The following CLTC variants were observed in gnomAD, a reference collection of about 807,000 sequenced individuals.
The protein encoded by CLTC is clathrin heavy chain 1.
A neutral mutation model predicts 195.8 loss-of-function variants in CLTC; 16 were observed. The ratio of observed to expected loss-of-function variants is 0.08; its 90% CI spans 0.06 to 0.12. CLTC has a LOEUF of 0.12. Ranked by LOEUF, CLTC falls within the 10% of genes least tolerant of loss-of-function variation. CLTC has a pLI of 1.00. For missense variants in CLTC, 796 were observed against 2,027.0 expected (o/e 0.39, Z 11.66); for synonymous variants, 667 against 689.4 (o/e 0.97, Z 0.51).
intron 1 of CLTC, among the ~76,000 whole-genome samples, chr17:59,633,860 TC>T (rs2031791508): frequency 6.6e-6 from 1 of 152,228 alleles, no homozygotes; most frequent in Non-Finnish European, 1.5e-5. Context: ...CTTTAATGTC[TC>T]CCTGGTTACA....
chr17:59,654,024 T>C (rs1178907896), intron 5 of CLTC, among the ~76,000 whole-genome samples: 1 of 151,126 alleles, frequency 6.6e-6, no homozygotes, highest in Non-Finnish European at 1.5e-5. Context: ...CTGCCCACCT[T>C]GGCCTCCCAA....
At chr17:59,692,122 T>A (rs137966184) in intron 31 of CLTC, among the ~76,000 whole-genome samples, 1 of 152,152 alleles carries the variant, frequency 6.6e-6, no homozygotes, top group African/African-American at 2.4e-5. Context: ...ATCAAGACCA[T>A]CCTGGCCAAC....
intron 31 of CLTC, among the ~76,000 whole-genome samples, chr17:59,691,974 T>A (rs1449165803): frequency 6.6e-6 from 1 of 152,154 alleles, no homozygotes; most frequent in Non-Finnish European, 1.5e-5. Flanking sequence ...AAAATTGGGT[T>A]GGAATTTCAA....
chr17:59,653,102 C>T (rs546292256), intron 5 of CLTC, among the ~76,000 whole-genome samples: 3 of 152,230 alleles, frequency 2.0e-5, no homozygotes, highest in Non-Finnish European at 4.4e-5. Flanking sequence ...AGAGTTAGGG[C>T]CTTAAACTAG....
chr17:59,676,803 C>T (rs929283476), intron 16 of CLTC, 151 bp from the exon 17 acceptor site: 272 of 636,682 alleles, frequency 4.3e-4, no homozygotes, highest in Non-Finnish European at 6.5e-4. Context: ...CACTGCACTT[C>T]AGCCTGGACA....
chr17:59,676,825 C>A, intron 16 of CLTC, 129 bp from the exon 17 acceptor site: 1 of 693,700 alleles, frequency 1.4e-6, no homozygotes, highest in Non-Finnish European at 2.4e-6. Context: ...TGTAGCAATA[C>A]TCGGGGGGCG....
Position 59,660,602 on chromosome 17 carries a change from A to G in CLTC, c.1167+14A>G. On this transcript the variant is annotated intron_variant, in intron 7 of 31. Transcript: ENST00000269122. ...AATGCACCAAAGGTAAAGAGTTATG[A>G]AAATGAAGTTGTCATGACATTAATC... 6.2e-7 allele frequency: 1 copy of G among 1,612,218 alleles called. No individual in the cohort carries two copies.
At chr17:59,645,244 T>TA (rs2032160227) in intron 2 of CLTC, among the ~76,000 whole-genome samples, 1 of 152,166 alleles carries the variant, frequency 6.6e-6, no homozygotes, top group African/African-American at 2.4e-5. Flanking sequence ...GTGTTTCACT[T>TA]AGATTATTGG....
rs1221848734 is a variant in CLTC, at chr17:59,681,079, T to C, written c.3065+22T>C. ...ACAGGTATGCTTTCAGAGGGATCCATTGGCTATTTATAGTCAGTCTTTAAT... is the reference window on the plus strand; with the variant it reads ...ACAGGTATGCTTTCAGAGGGATCCACTGGCTATTTATAGTCAGTCTTTAAT... On this transcript the variant is annotated intron_variant, in intron 19 of 31. Transcript: ENST00000269122. The surrounding 1 kb of genome is among the most constrained non-coding windows in gnomAD (Gnocchi z 5.0). 9 of 1,610,786 alleles carry C rather than the reference T, an allele frequency of 5.6e-6. No individual in the cohort carries two copies. The highest frequency in any genetic ancestry group is 1.7e-5 in the Admixed American group (1 of 59,388).
At position 59,666,934 on chromosome 17, in the gene CLTC, T is replaced by G; in HGVS notation, c.2085T>G (p.Thr695=). ...CTAAATATCATGAACAACTGTCAAC[T>G]CAGTCTCTGATTGAACTTTTTGAAT... is the stretch of plus-strand genomic sequence containing the variant. ...VASKYHEQLS[T]QSLIELFESF... Residue 695 remains threonine (T), a synonymous_variant, in exon 13 of 32, where the codon ACT becomes ACG. Coordinates refer to ENST00000269122, the MANE Select transcript of CLTC (RefSeq NM_004859.4). The surrounding 1 kb of genome is among the most constrained non-coding windows in gnomAD (Gnocchi z 4.9). 6.2e-7 allele frequency: 1 copy of G among 1,613,876 alleles called. No homozygotes were observed. Among genetic ancestry groups the G allele is most frequent in the Non-Finnish European group, 8.5e-7 (1 of 1,179,892 alleles).
chr17:59,622,855 A>G (rs894574761), intron 1 of CLTC, among the ~76,000 whole-genome samples: 1 of 152,358 alleles, frequency 6.6e-6, no homozygotes, highest in South Asian at 2.1e-4. Context: ...TATACCCTTT[A>G]ACTACATTGT....
intron 10 of CLTC, among the ~76,000 whole-genome samples, chr17:59,665,675 C>T (rs1286084735): frequency 6.6e-6 from 1 of 151,934 alleles, no homozygotes; most frequent in East Asian, 1.9e-4. Flanking sequence ...CCTGTCTCTA[C>T]TAAAAATAAC....
At position 59,678,407 on chromosome 17, in the gene CLTC, T is replaced by TG. The variant is rs576087196; in HGVS notation, c.2797-989dup. ...CTTAAACCATTCTTAATGTGTTGGT[T>TG]GCAAAATGAAAATTTTTCAAACTCC... On this transcript the variant is annotated intron_variant, in intron 17 of 31. Coordinates refer to ENST00000269122, the MANE Select transcript of CLTC (RefSeq NM_004859.4). Among the ~76,000 whole-genome samples, 34 of 152,344 alleles carry TG rather than the reference T, an allele frequency of 2.2e-4. No individual in the cohort carries two copies. In the East Asian group the frequency reaches 6.0e-3, roughly 27 times the overall value.
In CLTC at chr17:59,679,422, A is replaced by G. The variant is rs200498999; in HGVS notation, c.2822A>G (p.Lys941Arg). The change falls in exon 18 of 32, where the codon AAA (lysine) becomes AGA (arginine). Residue 941 changes from lysine to arginine, a missense_variant. By Grantham distance (26) the Lys-to-Arg change is conservative. Coordinates refer to ENST00000269122, the MANE Select transcript of CLTC (RefSeq NM_004859.4). ...INVCNENSLF[K>R]SLSRYLVRRK... ...GTTTGCAATGAGAATTCCCTCTTCAAAAGTCTTTCTCGCTACCTGGTACGT... is the reference window on the plus strand; with the variant it reads ...GTTTGCAATGAGAATTCCCTCTTCAGAAGTCTTTCTCGCTACCTGGTACGT... 1 of 1,606,242 alleles carries G rather than the reference A, an allele frequency of 6.2e-7. No individual in the cohort carries two copies. Among genetic ancestry groups the G allele is most frequent in the East Asian group, 2.2e-5 (1 of 44,684 alleles).
intron 30 of CLTC, among the ~76,000 whole-genome samples, chr17:59,688,494 G>GT (rs1225606014): frequency 6.6e-6 from 1 of 152,112 alleles, no homozygotes; most frequent in Non-Finnish European, 1.5e-5. Context: ...ACAAAAGCTT[G>GT]TGTTCTTAAA....
At chr17:59,660,882 C>G (rs1434732225) in intron 7 of CLTC, among the ~76,000 whole-genome samples, 1 of 152,080 alleles carries the variant, frequency 6.6e-6, no homozygotes, top group Non-Finnish European at 1.5e-5. Flanking sequence ...ACTGTTTGAC[C>G]TCATAAATGA....
At chr17:59,675,562 A>G (rs1305015108) in intron 16 of CLTC, among the ~76,000 whole-genome samples, 1 of 152,162 alleles carries the variant, frequency 6.6e-6, no homozygotes, top group Non-Finnish European at 1.5e-5. Flanking sequence ...TAGAATTTAT[A>G]TTAGAATGTT....
At chr17:59,661,696 TTGGCAAGTTAAAA>T (rs1313614942) in intron 8 of CLTC, 53 bp downstream of exon 8, 10 of 1,517,264 alleles carry the variant, frequency 6.6e-6, no homozygotes, top group Non-Finnish European at 9.1e-6. Context: ...AAATATGATA[TTGGCAAGTTAAAA>T]TCATTTAGGC....
chr17:59,676,558 A>G (rs193301174), intron 16 of CLTC, among the ~76,000 whole-genome samples: 1 of 152,382 alleles, frequency 6.6e-6, no homozygotes, highest in African/African-American at 2.4e-5. Context: ...ATCATATAGC[A>G]GATAAACCTG....
Sources: gnomAD v4.1 joint callset for allele counts (sites outside exome capture counted in the v4.1 genomes callset) on GRCh38, gnomAD v4.1.1 for gene constraint, Gnocchi (gnomAD v3.1) non-coding constraint, MANE v1.5 for transcripts, NCBI Gene and HGNC (gene_info 2026-07-23, HGNC 2026-07-21) for gene names.